Variants in NUP160 observed in about 807,000 individuals in gnomAD.
The protein encoded by NUP160 is nucleoporin 160.
A neutral mutation model predicts 196.9 loss-of-function variants in NUP160; 94 were observed. The observed-to-expected ratio is 0.48, with a 90% confidence interval of 0.40 to 0.57. The LOEUF is 0.57. Ranked by LOEUF, NUP160 falls within the 20% of genes least tolerant of loss-of-function variation. NUP160 has a pLI of 0.00. For missense variants in NUP160, 1,638 were observed against 1,748.3 expected (o/e 0.94, Z 1.13); for synonymous variants, 605 against 619.7 (o/e 0.98, Z 0.35).
At chr11:47,798,858 T>G (rs566953646) in intron 23 of NUP160, among the ~76,000 whole-genome samples, 1 of 149,550 alleles carries the variant, frequency 6.7e-6, no homozygotes, top group African/African-American at 2.5e-5. Flanking sequence ...TACAGTAGTC[T>G]CTCCGTAAAT....
chr11:47,816,234 A>G (rs2097684378), intron 11 of NUP160, among the ~76,000 whole-genome samples: 1 of 152,158 alleles, frequency 6.6e-6, no homozygotes, highest in South Asian at 2.1e-4. Context: ...AAATACTTGA[A>G]GGGTTGATTT....
chr11:47,779,375 C>T (rs1173638480), intron 35 of NUP160, among the ~76,000 whole-genome samples, 181 bp from the exon 36 acceptor site: 4 of 152,130 alleles, frequency 2.6e-5, no homozygotes, highest in Admixed American at 6.6e-5. Flanking sequence ...AAAACTAGGC[C>T]TCTCTGTTAT....
intron 14 of NUP160, 72 bp downstream of exon 14, chr11:47,813,244 G>A: frequency 8.4e-7 from 1 of 1,187,228 alleles, no homozygotes; most frequent in African/African-American, 1.5e-5. Flanking sequence ...GATATTTTTT[G>A]TATCCATGTG....
rs112693798 is a variant in NUP160 at position 47,839,910 on chromosome 11, G to C, written c.681C>G (p.Ala227=). Residue 227 remains alanine (A), a synonymous_variant, in exon 4 of 36, where the codon GCC becomes GCG. Transcript: ENST00000378460. ...CAGAAGCACATGGTAAGGCAAACAG[G>C]GCCTCCCCATCACTGCTGAGCCAGG... is the stretch of plus-strand genomic sequence containing the variant. 3.2e-4 allele frequency: 519 copies of C among 1,614,064 alleles called. 1 individual carries two copies. In the African/African-American group the frequency reaches 6.1e-3, roughly 19 times the overall value.
chr11:47,818,005 G>A (rs926713004), intron 11 of NUP160, 51 bp downstream of exon 11: 1 of 1,100,144 alleles, frequency 9.1e-7, no homozygotes, highest in Non-Finnish European at 1.4e-6. Flanking sequence ...ATTATATACA[G>A]TAATAAAATA....
chr11:47,836,638 G>A (rs1365267805), intron 6 of NUP160, among the ~76,000 whole-genome samples: 1 of 152,100 alleles, frequency 6.6e-6, no homozygotes, highest in Non-Finnish European at 1.5e-5. Flanking sequence ...AAAAAAAAGT[G>A]AAAGGTGTAC....
chr11:47,786,039 G>C (rs1340756891), intron 32 of NUP160, among the ~76,000 whole-genome samples: 1 of 152,196 alleles, frequency 6.6e-6, no homozygotes, highest in East Asian at 1.9e-4. Flanking sequence ...TGGATGATGG[G>C]GGCTGATGGG....
chr11:47,805,681 C>T (rs759199911), intron 20 of NUP160, among the ~76,000 whole-genome samples: 13 of 149,564 alleles, frequency 8.7e-5, no homozygotes, highest in Non-Finnish European at 1.5e-4. Context: ...CTCCTGACCT[C>T]GTGATCTGCC....
At chr11:47,785,718 T>A (rs967658217) in intron 32 of NUP160, among the ~76,000 whole-genome samples, 1 of 152,212 alleles carries the variant, frequency 6.6e-6, no homozygotes, top group African/African-American at 2.4e-5. Flanking sequence ...GATCAAGCAT[T>A]AGAATCATGC....
chr11:47,824,052 T>TATATATATATATATAC (rs1391609379), intron 7 of NUP160, among the ~76,000 whole-genome samples: 1 of 93,796 alleles, frequency 1.1e-5, no homozygotes, highest in Admixed American at 1.2e-4. Context: ...TATATATATA[T>TATATATATATATATAC]ACACACACAC....
intron 23 of NUP160, among the ~76,000 whole-genome samples, chr11:47,801,099 G>A (rs895318400): frequency 1.3e-5 from 2 of 152,160 alleles, no homozygotes; most frequent in African/African-American, 4.8e-5. Flanking sequence ...AGAGGGGCAG[G>A]AAACAGGTCA....
intron 7 of NUP160, among the ~76,000 whole-genome samples, chr11:47,834,676 C>T (rs566514060): frequency 6.6e-6 from 1 of 152,154 alleles, no homozygotes; most frequent in East Asian, 1.9e-4. Flanking sequence ...AAGAGAACAT[C>T]GGTGCAGGCA....
chr11:47,837,475 A>G, intron 5 of NUP160, 70 bp downstream of exon 5: 2 of 1,179,828 alleles, frequency 1.7e-6, no homozygotes, highest in Non-Finnish European at 2.5e-6. Context: ...GACTGGAAAC[A>G]ATAACTGCCG....
chr11:47,794,490 T>C (rs2097669732), intron 27 of NUP160, among the ~76,000 whole-genome samples: 1 of 151,040 alleles, frequency 6.6e-6, no homozygotes, highest in African/African-American at 2.4e-5. Flanking sequence ...CAAAAACAGT[T>C]GGGCACAGTG....
At chr11:47,836,849 C>CT (rs757034074) in intron 6 of NUP160, 38 bp downstream of exon 6, 1 of 1,215,540 alleles carries the variant, frequency 8.2e-7, no homozygotes, top group Non-Finnish European at 1.2e-6. Flanking sequence ...ATTCACAATC[C>CT]TGTTTTAACT....
chr11:47,809,382 A>C (rs2135371985), intron 17 of NUP160, among the ~76,000 whole-genome samples: 1 of 152,236 alleles, frequency 6.6e-6, no homozygotes, highest in South Asian at 2.1e-4. Context: ...GTACTACCAA[A>C]AGCCTTAAAA....
intron 20 of NUP160, 92 bp from the exon 21 acceptor site, chr11:47,804,710 C>T (rs2097676459): frequency 2.5e-6 from 2 of 799,264 alleles, no homozygotes; most frequent in Non-Finnish European, 3.9e-6. Context: ...CATAAAATAG[C>T]TTAATTTACA....
chr11:47,784,510 A>G (rs150788050), intron 33 of NUP160, among the ~76,000 whole-genome samples: 117 of 152,240 alleles, frequency 7.7e-4, no homozygotes, highest in Non-Finnish European at 1.5e-3. Context: ...CTAAATATAA[A>G]CTCATTGTTC....
intron 20 of NUP160, among the ~76,000 whole-genome samples, chr11:47,805,331 A>G (rs2097676845): frequency 6.6e-6 from 1 of 151,918 alleles, no homozygotes; most frequent in African/African-American, 2.4e-5. Flanking sequence ...AGGTTTCACC[A>G]TGTTGGTCAG....
Sources: gnomAD v4.1 joint callset for allele counts (sites outside exome capture counted in the v4.1 genomes callset) on GRCh38, gnomAD v4.1.1 for gene constraint, MANE v1.5 for transcripts, NCBI Gene and HGNC (gene_info 2026-07-23, HGNC 2026-07-21) for gene names.